Variants in WASHC2A observed in about 807,000 individuals in gnomAD.
WASHC2A encodes the protein WASH complex subunit FAM21A.
In WASHC2A, 82 loss-of-function variants were observed where a neutral mutation model predicts 140.3. That is an observed-to-expected ratio of 0.58 (90% CI 0.49 to 0.70). WASHC2A has a LOEUF of 0.70. Among genes scored for constraint, WASHC2A ranks in the 30% least tolerant of loss-of-function variants. The pLI is 0.00. For missense variants in WASHC2A, 985 were observed against 1,521.8 expected, an observed-to-expected ratio of 0.65 and a Z score of 5.87; for synonymous variants, 340 against 560.8, an observed-to-expected ratio of 0.61 and a Z score of 5.56.
At chr10:50,092,907 C>T (rs1290739561) in intron 11 of WASHC2A, among the ~76,000 whole-genome samples, 2 of 150,896 alleles carry the variant, frequency 1.3e-5, no homozygotes, top group Non-Finnish European at 2.9e-5. Context: ...GTTTGCAGAT[C>T]CCTTTGTTTA....
intron 16 of WASHC2A, among the ~76,000 whole-genome samples, chr10:50,099,120 C>T (rs1318639030): frequency 6.6e-6 from 1 of 152,126 alleles, no homozygotes; most frequent in Non-Finnish European, 1.5e-5. Flanking sequence ...GCACAAACCA[C>T]TATTTTTTTA....
chr10:50,084,236 C>T (rs1839187871), intron 6 of WASHC2A, 71 bp downstream of exon 6: 11 of 1,565,014 alleles, frequency 7.0e-6, no homozygotes, highest in Non-Finnish European at 9.5e-6. Context: ...TCAAATTTTA[C>T]ATTAAAGTTT....
chr10:50,129,397 G>A (rs374910730), intron 28 of WASHC2A, 22 bp from the exon 29 acceptor site: 4 of 1,611,932 alleles, frequency 2.5e-6, no homozygotes, highest in African/African-American at 2.7e-5. Flanking sequence ...TCAGATCAAT[G>A]TGTGTTTTTT....
intron 20 of WASHC2A, among the ~76,000 whole-genome samples, chr10:50,110,696 G>A: frequency 6.6e-6 from 1 of 151,880 alleles, no homozygotes; most frequent in Admixed American, 6.6e-5. Flanking sequence ...TTCAAGACCA[G>A]CCTGGCCAAT....
At chr10:50,109,070 G>T (rs1842039317) in intron 19 of WASHC2A, among the ~76,000 whole-genome samples, 1 of 151,480 alleles carries the variant, frequency 6.6e-6, no homozygotes, top group East Asian at 2.0e-4. Flanking sequence ...AAACCTTCAT[G>T]TTTAGGAAAT....
intron 30 of WASHC2A, 30 bp from the exon 31 acceptor site, chr10:50,132,776 A>C (rs1248324740): frequency 6.2e-7 from 1 of 1,612,012 alleles, no homozygotes; most frequent in Non-Finnish European, 8.5e-7. Flanking sequence ...ACCCCTCTTC[A>C]GCAACCGTTC....
intron 30 of WASHC2A, among the ~76,000 whole-genome samples, chr10:50,132,249 T>A (rs1218084768): frequency 6.6e-6 from 1 of 152,246 alleles, no homozygotes; most frequent in Non-Finnish European, 1.5e-5. Flanking sequence ...TGTTAAATCA[T>A]GGTTGGATAA....
chr10:50,100,758 C>T (rs1313369715), intron 17 of WASHC2A, among the ~76,000 whole-genome samples: 1 of 152,212 alleles, frequency 6.6e-6, no homozygotes, highest in East Asian at 1.9e-4. Context: ...CTGGCATAGC[C>T]ATCTGTCTTG....
Position 50,091,965 on chromosome 10 carries a change from G to C in WASHC2A, c.932-197G>C, listed in dbSNP as rs568741239. Reference sequence around the variant, plus strand: ...CATGAGCCTGGTACGAAAGCAGAAGGCTTCTGCCTTACAAAGAGACTCTTG... The same window carrying C: ...CATGAGCCTGGTACGAAAGCAGAAGCCTTCTGCCTTACAAAGAGACTCTTG... On this transcript the variant is annotated intron_variant, in intron 10 of 30. Coordinates refer to ENST00000282633, the MANE Select transcript of WASHC2A (RefSeq NM_001005751.3). 5.3e-4 allele frequency among the ~76,000 whole-genome samples: 76 copies of C among 144,236 alleles called. No individual in the cohort carries two copies. The Middle Eastern group carries it at 0.01, about 19-fold the overall frequency. The allele number at this position is 144,236 out of a possible 152,430, so 94.6% of individuals were successfully genotyped here.
At chr10:50,132,193 A>G (rs1407474082) in intron 30 of WASHC2A, among the ~76,000 whole-genome samples, 1 of 152,240 alleles carries the variant, frequency 6.6e-6, no homozygotes, top group Non-Finnish European at 1.5e-5. Context: ...ATTACAAATA[A>G]TGCTGTGGTC....
intron 11 of WASHC2A, among the ~76,000 whole-genome samples, chr10:50,092,595 T>G (rs1378102489): frequency 2.0e-5 from 3 of 152,082 alleles, no homozygotes; most frequent in Non-Finnish European, 4.4e-5. Context: ...AGGCAGAGAT[T>G]GCAGTGAGCC....
In WASHC2A at chr10:50,095,761, G is replaced by A. The variant is rs782734514; in HGVS notation, c.1403G>A (p.Ser468Asn). Reference sequence around the variant, plus strand: ...GACGACTTTTTCTCGGCACCCCACAGCAAACCTTCTAAAACAGGTATGTGT... The same window carrying A: ...GACGACTTTTTCTCGGCACCCCACAACAAACCTTCTAAAACAGGTATGTGT... The part of the protein sequence containing the change: ...DDDDFFSAPH[S>N]KPSKTGKVQS... Residue 468 changes from serine (S) to asparagine (N), a missense_variant, in exon 15 of 31, where the codon AGC (serine) becomes AAC (asparagine). Physicochemically the swap from Ser to Asn is conservative, Grantham distance 46. Coordinates refer to ENST00000282633, the MANE Select transcript of WASHC2A (RefSeq NM_001005751.3). The A allele has an allele frequency of 5.6e-6, 9 of 1,609,210 alleles. No homozygotes were observed. The highest frequency in any genetic ancestry group is 7.6e-6 in the Non-Finnish European group (9 of 1,178,574).
intron 15 of WASHC2A, 141 bp from the exon 16 acceptor site, chr10:50,097,534 C>T (rs1484746447): frequency 5.8e-6 from 4 of 688,740 alleles, no homozygotes; most frequent in Non-Finnish European, 9.5e-6. Flanking sequence ...TATAGTTCCA[C>T]TTACTATTTC....
chr10:50,109,229 G>T lies in WASHC2A; in HGVS notation c.1870-872G>T, dbSNP rs1256291109. ...ATAGAGCACTTATGCAAGTGCTTGG[G>T]AGTTCTTTGATTTGAAGGGGTGTGA... On this transcript the variant is annotated intron_variant, in intron 19 of 30. Transcript: ENST00000282633. 2.0e-5 allele frequency among the ~76,000 whole-genome samples: 3 copies of T among 152,218 alleles called. No individual in the cohort carries two copies. In the East Asian group the frequency reaches 5.8e-4, roughly 29 times the overall value.
intron 11 of WASHC2A, among the ~76,000 whole-genome samples, chr10:50,092,947 G>C (rs1840077919): frequency 1.4e-5 from 2 of 139,966 alleles, no homozygotes; most frequent in Non-Finnish European, 3.1e-5. Context: ...AGATTGGTTG[G>C]GGAATGGGTC....
At chr10:50,103,330 C>T (rs1188542879) in intron 17 of WASHC2A, among the ~76,000 whole-genome samples, 4 of 151,524 alleles carry the variant, frequency 2.6e-5, no homozygotes, top group Admixed American at 6.6e-5. Flanking sequence ...GAAGCCGAGG[C>T]GGGCGGATCA....
intron 16 of WASHC2A, among the ~76,000 whole-genome samples, chr10:50,098,843 G>C (rs1316080062): frequency 1.4e-5 from 2 of 148,034 alleles, no homozygotes; most frequent in Non-Finnish European, 3.0e-5. Flanking sequence ...ATACAAGCAG[G>C]CAGGGTTGTG....
chr10:50,077,405 A>G (rs2132391668), intron 3 of WASHC2A, among the ~76,000 whole-genome samples: 1 of 152,322 alleles, frequency 6.6e-6, no homozygotes, highest in Non-Finnish European at 1.5e-5. Flanking sequence ...CCAGGCTTAA[A>G]TTGGGTATTC....
Position 50,095,724 on chromosome 10 carries a change from G to C in WASHC2A, c.1366G>C (p.Gly456Arg), listed in dbSNP as rs1342171946. 1 of 1,611,226 alleles carries C rather than the reference G, an allele frequency of 6.2e-7. No homozygotes were observed. Among genetic ancestry groups the C allele is most frequent in the Non-Finnish European group, 8.5e-7 (1 of 1,179,740 alleles). ...CACTGGCCTCTTTGATGATGATGATGGTGATGATGATGACGACTTTTTCTC... is the reference window on the plus strand; with the variant it reads ...CACTGGCCTCTTTGATGATGATGATCGTGATGATGATGACGACTTTTTCTC... The part of the protein sequence containing the change: ...PPTGLFDDDD[G>R]DDDDDFFSAP... Residue 456 changes from glycine (G) to arginine (R), a missense_variant, in exon 15 of 31, where the codon GGT becomes CGT. Coordinates refer to ENST00000282633, the MANE Select transcript of WASHC2A (RefSeq NM_001005751.3).
Sources: allele counts gnomAD v4.1 joint callset (sites outside exome capture counted in the v4.1 genomes callset), GRCh38; gene constraint gnomAD v4.1.1; transcripts MANE v1.5; gene names NCBI Gene and HGNC (gene_info 2026-07-23, HGNC 2026-07-21).